The following BSPH1 variants were observed in gnomAD, a reference collection of about 807,000 sequenced individuals.
BSPH1 encodes binder of sperm protein homolog 1.
A neutral mutation model predicts 22.5 loss-of-function variants in BSPH1; 21 were observed. The ratio of observed to expected loss-of-function variants is 0.93; its 90% confidence interval spans 0.66 to 1.35. The LOEUF (loss-of-function observed/expected upper bound fraction) is 1.35. BSPH1 is among the 40% of genes most tolerant of loss of function. BSPH1 has a pLI of 0.00. For synonymous variants in BSPH1, 42 were observed against 53.6 expected, an observed-to-expected ratio of 0.78 and a Z score of 0.95; for missense variants, 141 against 154.2, an observed-to-expected ratio of 0.91 and a Z score of 0.45.
At chr19:47,967,828 CA>C (rs1485425308), downstream of BSPH1, among the ~76,000 whole-genome samples, 1 of 152,192 alleles carries the variant, frequency 6.6e-6, no homozygotes, top group Non-Finnish European at 1.5e-5. Flanking sequence ...TTGAACATTA[CA>C]GCCTACTTCC....
intron 5 of BSPH1, among the ~76,000 whole-genome samples, chr19:47,973,957 A>T (rs931653409): frequency 3.9e-5 from 6 of 152,066 alleles, no homozygotes; most frequent in Admixed American, 6.6e-5. Flanking sequence ...CCAAACACCC[A>T]CTTGGAAATA....
At chr19:47,988,961 T>C (rs1015912324) in intron 1 of BSPH1, among the ~76,000 whole-genome samples, 2 of 151,938 alleles carry the variant, frequency 1.3e-5, no homozygotes, top group African/African-American at 4.8e-5. Context: ...GCATGTGCCA[T>C]ACACATGGTC....
chr19:47,983,105 G>T (rs1340028096), intron 1 of BSPH1, among the ~76,000 whole-genome samples: 1 of 152,154 alleles, frequency 6.6e-6, no homozygotes, highest in Non-Finnish European at 1.5e-5. Flanking sequence ...TCACGATGAA[G>T]GGATCTGCAT....
intron 2 of BSPH1, 147 bp from the exon 3 acceptor site, chr19:47,979,746 C>T: frequency 1.2e-5 from 5 of 409,712 alleles, no homozygotes; most frequent in Non-Finnish European, 2.2e-5. Flanking sequence ...AAGAACATGG[C>T]ATCTGCTCTT....
At chr19:47,971,632 C>T (rs113621285) in intron 5 of BSPH1, among the ~76,000 whole-genome samples, 1 of 152,172 alleles carries the variant, frequency 6.6e-6, no homozygotes, top group African/African-American at 2.4e-5. Context: ...CCTCAATATG[C>T]CACACCTGTT....
At chr19:47,990,609 C>G (rs550280375) in intron 1 of BSPH1, among the ~76,000 whole-genome samples, 24 of 148,892 alleles carry the variant, frequency 1.6e-4, no homozygotes, top group African/African-American at 5.4e-4. Context: ...AAAAAAATAG[C>G]AAGCAGTGTT....
intron 1 of BSPH1, among the ~76,000 whole-genome samples, chr19:47,983,321 T>A (rs1568398235): frequency 6.6e-6 from 1 of 152,190 alleles, no homozygotes; most frequent in Non-Finnish European, 1.5e-5. Context: ...TTCTCTGAAA[T>A]ATGGGGATTA....
At chr19:47,991,479 TCTTCTTCTCTTCCTTCTCCTCCTCCTC>T (rs1966873266) in intron 1 of BSPH1, among the ~76,000 whole-genome samples, 3 of 92,616 alleles carry the variant, frequency 3.2e-5, no homozygotes, top group Non-Finnish European at 5.1e-5. Context: ...TCCTCCTCCT[TCTTCTTCTCTTCCTTCTCCTCCTCCTC>T]CCCCTCCTTT....
chr19:47,974,192 A>G (rs1262491563), intron 5 of BSPH1, among the ~76,000 whole-genome samples: 1 of 151,468 alleles, frequency 6.6e-6, no homozygotes, highest in South Asian at 2.1e-4. Flanking sequence ...AGGAGATTAA[A>G]GGGAAGAAGG....
At chr19:47,979,071 G>A (rs1257283260) in intron 3 of BSPH1, among the ~76,000 whole-genome samples, 1 of 152,094 alleles carries the variant, frequency 6.6e-6, no homozygotes, top group Non-Finnish European at 1.5e-5. Flanking sequence ...AAAATGAGCA[G>A]GCTCTGGAGC....
At chr19:47,979,548 C>A in intron 3 of BSPH1, 22 bp downstream of exon 3, 1 of 1,197,088 alleles carries the variant, frequency 8.4e-7, no homozygotes, top group South Asian at 1.6e-5. Context: ...CATTAATAAT[C>A]AAAGTTTTCT....
intron 1 of BSPH1, 133 bp from the exon 2 acceptor site, chr19:47,981,074 T>A (rs933050605): frequency 2.4e-4 from 116 of 482,786 alleles, no homozygotes; most frequent in Non-Finnish European, 4.8e-5. Context: ...TAGAGCTTAT[T>A]TTTAGTAGTG....
At position 47,980,918 on chromosome 19, in the gene BSPH1, C is replaced by T; in HGVS notation, c.94+3G>A. The T allele has an allele frequency of 6.8e-7, 1 of 1,461,982 alleles. No individual in the cohort carries two copies. The highest frequency in any genetic ancestry group is 1.3e-5 in the South Asian group (1 of 74,180). The allele number at this position is 1,461,982 out of a possible 1,614,324, so 90.6% of individuals were successfully genotyped here. A position where few individuals can be genotyped will look rare whatever the true frequency, so the allele number is the denominator to read the frequency against. On this transcript the variant is annotated splice_donor_region_variant and intron_variant, in intron 2 of 5. Coordinates refer to ENST00000344839, the MANE Select transcript of BSPH1 (RefSeq NM_001128326.2). ...GCTAATAAAAGTTTTTTGATCAACT[C>T]ACCCACAGTTGATGATAATTCATCT...
chr19:47,977,168 T>C (rs1345937574), intron 4 of BSPH1, among the ~76,000 whole-genome samples: 1 of 152,250 alleles, frequency 6.6e-6, no homozygotes, highest in Non-Finnish European at 1.5e-5. Flanking sequence ...TTAAAAAGAT[T>C]CTTTTCAAAA....
chr19:47,974,559 T>C (rs897295342), intron 5 of BSPH1, among the ~76,000 whole-genome samples: 1 of 151,628 alleles, frequency 6.6e-6, no homozygotes, highest in Admixed American at 6.6e-5. Context: ...CGTGAGCCAC[T>C]GTGCCCGGCC....
chr19:47,968,092 G>C lies in BSPH1; in HGVS notation c.*120C>G, dbSNP rs1194772819. On this transcript the variant is annotated 3_prime_UTR_variant, in exon 6 of 6. Transcript: ENST00000344839. ...TTTATTAAGAAAATTGGGGGTTACT[G>C]TATATCAGACCATTCTGACCTGCTG... The C allele has an allele frequency of 1.3e-5, 2 of 152,194 alleles. No individual in the cohort carries two copies. Among genetic ancestry groups the C allele is most frequent in the Non-Finnish European group, 2.9e-5 (2 of 68,034 alleles). 9.4% of individuals were successfully genotyped at this position (152,194 alleles called of 1,614,324 possible).
In BSPH1 at chr19:47,980,542, C is replaced by T. The variant is rs187572284; in HGVS notation, c.94+379G>A. The T allele has an allele frequency of 4.1e-3, 659 of 161,518 alleles. 1 individual carries two copies. Among genetic ancestry groups the T allele is most frequent in the Admixed American group, 6.6e-3 (93 of 14,164 alleles). The allele number at this position is 161,518 out of a possible 1,614,324, so 10.0% of individuals were successfully genotyped here. On this transcript the variant is annotated intron_variant, in intron 2 of 5. Coordinates refer to ENST00000344839, the MANE Select transcript of BSPH1 (RefSeq NM_001128326.2). The stretch of plus-strand genomic sequence containing the variant: ...GGAGTGCAGTGGCGTGATCTCGGCT[C>T]ACTGCAAGCTCCGCCTCCTAGGTTC...
rs896633175 is a variant in BSPH1, at chr19:47,976,870, A to G, written c.257-16T>C. 4 of 1,550,496 alleles carry G rather than the reference A, an allele frequency of 2.6e-6. No individual in the cohort carries two copies. The African/African-American group carries it at 4.1e-5, about 16-fold the overall frequency. On this transcript the variant is annotated splice_polypyrimidine_tract_variant and intron_variant, in intron 4 of 5. Transcript: ENST00000344839. ...TTTGCAAAATCTGCAGAGGAGGAAG[A>G]GGAAGAAGCAGAGTAAGAAACCTTT...
At chr19:47,983,123 G>A (rs1346893368) in intron 1 of BSPH1, among the ~76,000 whole-genome samples, 1 of 152,142 alleles carries the variant, frequency 6.6e-6, no homozygotes, top group Non-Finnish European at 1.5e-5. Flanking sequence ...CATTTATTCA[G>A]CCAGTCCATC....
Sources: gnomAD v4.1 joint callset for allele counts (sites outside exome capture counted in the v4.1 genomes callset) on GRCh38, gnomAD v4.1.1 for gene constraint, MANE v1.5 for transcripts, NCBI Gene and HGNC (gene_info 2026-07-23, HGNC 2026-07-21) for gene names.